SRFBP1: variants seen among roughly 807,000 people sequenced by gnomAD.
The protein encoded by SRFBP1 is serum response factor-binding protein 1.
SRFBP1 carries 47 observed loss-of-function variants against 45.5 expected under a neutral mutation model. That is an observed-to-expected ratio of 1.03 (90% CI 0.82 to 1.32). The LOEUF is 1.32. Among genes scored for constraint, SRFBP1 ranks in the 40% most tolerant of loss-of-function variants. The pLI is 0.00. For synonymous variants in SRFBP1, 203 were observed against 166.3 expected (o/e 1.22, Z -1.70); for missense variants, 621 against 484.6 (o/e 1.28, Z -2.64).
chr5:122,067,243 A>G (rs1328460130), intron 2 of SRFBP1, among the ~76,000 whole-genome samples: 2 of 152,144 alleles, frequency 1.3e-5, no homozygotes, highest in Non-Finnish European at 2.9e-5. Context: ...CATGTAAGGA[A>G]GTGAAAATTC....
At chr5:122,023,452 A>G (rs1017790423) in intron 7 of SRFBP1, among the ~76,000 whole-genome samples, 6 of 152,230 alleles carry the variant, frequency 3.9e-5, no homozygotes, top group Non-Finnish European at 7.3e-5. Flanking sequence ...TCATACCATG[A>G]TATACCATGT....
At chr5:121,992,488 G>A (rs760956611) in intron 3 of SRFBP1, among the ~76,000 whole-genome samples, 3 of 151,658 alleles carry the variant, frequency 2.0e-5, no homozygotes, top group Non-Finnish European at 4.4e-5. Flanking sequence ...TGGCTTACCT[G>A]GATAATCCAG....
chr5:121,985,486 C>T (rs1229149681), intron 3 of SRFBP1, among the ~76,000 whole-genome samples: 1 of 151,618 alleles, frequency 6.6e-6, no homozygotes, highest in Non-Finnish European at 1.5e-5. Context: ...GAGAGATTAA[C>T]TGGTGTGTTT....
At chr5:122,046,284 A>C (rs1272654364) in intron 2 of SRFBP1, among the ~76,000 whole-genome samples, 1 of 151,764 alleles carries the variant, frequency 6.6e-6, no homozygotes, top group Non-Finnish European at 1.5e-5. Flanking sequence ...CCTATGAGTG[A>C]GAACAGGCGG....
At chr5:122,071,392 C>G (rs1333196033) in intron 2 of SRFBP1, among the ~76,000 whole-genome samples, 1 of 152,078 alleles carries the variant, frequency 6.6e-6, no homozygotes, top group East Asian at 1.9e-4. Context: ...TTCTTAACTA[C>G]CCCACTATAC....
chr5:122,010,048 A>C (rs1561590349), intron 4 of SRFBP1, among the ~76,000 whole-genome samples: 1 of 152,152 alleles, frequency 6.6e-6, no homozygotes, highest in African/African-American at 2.4e-5. Context: ...ATAAAATAGT[A>C]ATAAGTATAA....
intron 4 of SRFBP1, among the ~76,000 whole-genome samples, chr5:121,998,846 C>T (rs941210400): frequency 6.6e-6 from 1 of 152,122 alleles, no homozygotes; most frequent in African/African-American, 2.4e-5. Flanking sequence ...GTGGCATCAT[C>T]ATTACATTTT....
chr5:122,022,028 C>T (rs967824284), intron 6 of SRFBP1, among the ~76,000 whole-genome samples: 1 of 151,950 alleles, frequency 6.6e-6, no homozygotes, highest in Non-Finnish European at 1.5e-5. Flanking sequence ...ATATGAGAGT[C>T]ATTCTTCCTG....
At chr5:122,043,062 CTTCT>C (rs1321467123) in intron 2 of SRFBP1, among the ~76,000 whole-genome samples, 5 of 151,932 alleles carry the variant, frequency 3.3e-5, no homozygotes, top group Admixed American at 2.0e-4. Flanking sequence ...TGTCTCCATC[CTTCT>C]TTCTAATATT....
chr5:122,060,554 G>A (rs566741108), intron 2 of SRFBP1, among the ~76,000 whole-genome samples: 3 of 152,002 alleles, frequency 2.0e-5, no homozygotes, highest in East Asian at 3.9e-4. Context: ...ACAACGACTG[G>A]GTCAAGGATT....
chr5:122,026,952 G>A lies in SRFBP1; in HGVS notation c.1116G>A (p.Gln372=), dbSNP rs1205836316. The part of the protein sequence containing the change: ...APKTRSLDFP[Q]NEPQIKNQFN... ...GCTTTCTCTTCCTAGATTTTCCACAGAATGAGCCTCAGATCAAGAATCAGT... is the reference window on the plus strand; with the variant it reads ...GCTTTCTCTTCCTAGATTTTCCACAAAATGAGCCTCAGATCAAGAATCAGT... Residue 372 remains glutamine (Q), a synonymous_variant, in exon 8 of 8, where the codon CAG becomes CAA. Transcript: ENST00000339397. 1 of 1,609,512 alleles carries A rather than the reference G, an allele frequency of 6.2e-7. No homozygotes were observed. Among genetic ancestry groups the A allele is most frequent in the East Asian group, 2.2e-5 (1 of 44,706 alleles).
rs771176630 is a variant in SRFBP1 at position 122,027,225 on chromosome 5, A to G, written c.*99A>G. On this transcript the variant is annotated 3_prime_UTR_variant, in exon 8 of 8. Transcript: ENST00000339397. ...GCCCAGACTAGAGTACAATATTGCAATCACAGCTCACTGCAGCCTCAAACT... is the reference window on the plus strand; with the variant it reads ...GCCCAGACTAGAGTACAATATTGCAGTCACAGCTCACTGCAGCCTCAAACT... 8.6e-5 allele frequency: 83 copies of G among 966,812 alleles called. No individual in the cohort carries two copies. The highest frequency in any genetic ancestry group is 1.1e-4 in the Non-Finnish European group (70 of 665,502). 59.9% of individuals were successfully genotyped at this position (966,812 alleles called of 1,614,324 possible). A position where few individuals can be genotyped will look rare whatever the true frequency, so the allele number is the denominator to read the frequency against.
chr5:122,026,721 A>G (rs1753487999), intron 7 of SRFBP1, among the ~76,000 whole-genome samples: 1 of 152,294 alleles, frequency 6.6e-6, no homozygotes, highest in East Asian at 1.9e-4. Context: ...ATAAACATCT[A>G]CTTATAAGTG....
chr5:122,071,625 A>G (rs1754455765), intron 2 of SRFBP1, among the ~76,000 whole-genome samples: 2 of 152,208 alleles, frequency 1.3e-5, no homozygotes, highest in Admixed American at 1.3e-4. Flanking sequence ...CTGTAGGTAT[A>G]TTCTTGATTC....
rs746811316 is a variant in SRFBP1 at position 121,962,118 on chromosome 5, G to A, written c.36+50G>A. On this transcript the variant is annotated intron_variant, in intron 1 of 7. Coordinates refer to ENST00000339397, the MANE Select transcript of SRFBP1 (RefSeq NM_152546.3). ...CTGACTTTAAGGGTCCTCAAAACCA[G>A]CTCTTTTGAGACGCGTGGTCGGAGG... is the stretch of plus-strand genomic sequence containing the variant. The A allele has an allele frequency of 8.7e-6, 14 of 1,608,880 alleles. No individual in the cohort carries two copies. In the Admixed American group the frequency reaches 1.8e-4, roughly 21 times the overall value.
intron 2 of SRFBP1, chr5:122,070,704 A>G (rs1408909035): frequency 1.7e-6 from 1 of 575,076 alleles, no homozygotes; most frequent in African/African-American, 1.9e-5. Flanking sequence ...AGTCTGACAT[A>G]AAACTATACT....
At position 122,005,151 on chromosome 5, in the gene SRFBP1, A is replaced by G. The variant is rs540256189; in HGVS notation, c.270+10481A>G. 1.6e-4 allele frequency among the ~76,000 whole-genome samples: 24 copies of G among 152,292 alleles called. No homozygotes were observed. In the South Asian group the frequency reaches 2.7e-3, roughly 17 times the overall value. Reference sequence around the variant, plus strand: ...TGGATGAAATGTTCTGTAGATGTCTATTAGGTCTATACAGTCTAAGGTATA... The same window carrying G: ...TGGATGAAATGTTCTGTAGATGTCTGTTAGGTCTATACAGTCTAAGGTATA... On this transcript the variant is annotated intron_variant, in intron 4 of 7. Coordinates refer to ENST00000339397, the MANE Select transcript of SRFBP1 (RefSeq NM_152546.3).
chr5:121,995,724 G>C (rs555440746), intron 4 of SRFBP1, among the ~76,000 whole-genome samples: 8 of 152,130 alleles, frequency 5.3e-5, no homozygotes, highest in Admixed American at 4.6e-4. Flanking sequence ...GAATCCAGGA[G>C]CTGGTTTTTT....
intron 3 of SRFBP1, among the ~76,000 whole-genome samples, chr5:121,983,895 G>A (rs901196945): frequency 6.6e-6 from 1 of 151,674 alleles, no homozygotes; most frequent in African/African-American, 2.4e-5. Context: ...CCTAAAATTA[G>A]CTTCCTATTG....
Sources: gnomAD v4.1 joint callset for allele counts (sites outside exome capture counted in the v4.1 genomes callset) on GRCh38, gnomAD v4.1.1 for gene constraint, MANE v1.5 for transcripts, NCBI Gene and HGNC (gene_info 2026-07-23, HGNC 2026-07-21) for gene names.